Variants in PTPRK observed in about 807,000 individuals in gnomAD.
PTPRK encodes protein tyrosine phosphatase receptor type K.
Under a neutral mutation model 178.0 loss-of-function variants are expected in PTPRK, and 75 were observed. That is an observed-to-expected ratio of 0.42 (90% CI 0.35 to 0.51). The LOEUF (loss-of-function observed/expected upper bound fraction) is 0.51. Ranked by LOEUF, PTPRK falls within the 20% of genes least tolerant of loss-of-function variation. The pLI, the probability that PTPRK is intolerant of heterozygous loss-of-function variation, is 0.02. For synonymous variants in PTPRK, 637 were observed against 620.6 expected (o/e 1.03, Z -0.39); for missense variants, 1,441 against 1,797.8 (o/e 0.80, Z 3.59).
intron 2 of PTPRK, among the ~76,000 whole-genome samples, chr6:128,346,251 G>T (rs910556157): frequency 6.6e-6 from 1 of 151,880 alleles, no homozygotes; most frequent in African/African-American, 2.4e-5. Context: ...TTAAAAATCT[G>T]AAAATCATAG....
At chr6:128,385,958 T>C (rs1470151987) in intron 2 of PTPRK, among the ~76,000 whole-genome samples, 3 of 152,216 alleles carry the variant, frequency 2.0e-5, no homozygotes, top group African/African-American at 7.2e-5. Context: ...ATTAGTTAAA[T>C]ATAACTTAAA....
At chr6:128,421,225 A>G (rs1383070889) in intron 1 of PTPRK, among the ~76,000 whole-genome samples, 1 of 152,234 alleles carries the variant, frequency 6.6e-6, no homozygotes, top group Non-Finnish European at 1.5e-5. Flanking sequence ...ATAAAGCAAT[A>G]AAGTTTTAGG....
chr6:128,442,601 T>C (rs1846418411), intron 1 of PTPRK, among the ~76,000 whole-genome samples: 2 of 152,228 alleles, frequency 1.3e-5, no homozygotes, highest in Non-Finnish European at 1.5e-5. Flanking sequence ...ATACTTGTAC[T>C]CTACCAAACA....
intron 6 of PTPRK, among the ~76,000 whole-genome samples, chr6:128,185,131 T>C (rs1260847374): frequency 6.6e-6 from 1 of 152,174 alleles, no homozygotes; most frequent in Non-Finnish European, 1.5e-5. Context: ...TTGTTACTTC[T>C]TCACAGTTTC....
intron 13 of PTPRK, chr6:128,062,682 A>G (rs949849376): frequency 6.1e-6 from 1 of 163,082 alleles, no homozygotes; most frequent in Non-Finnish European, 1.5e-5. Context: ...CTTCATATAT[A>G]TTTTATTTTA....
At chr6:128,404,230 G>A (rs911974824) in intron 1 of PTPRK, among the ~76,000 whole-genome samples, 1 of 152,208 alleles carries the variant, frequency 6.6e-6, no homozygotes, top group Non-Finnish European at 1.5e-5. Flanking sequence ...TGCTACATCT[G>A]AAACCAAATC....
intron 3 of PTPRK, among the ~76,000 whole-genome samples, chr6:128,310,686 G>C (rs184262751): frequency 5.8e-4 from 88 of 152,296 alleles, no homozygotes; most frequent in Admixed American, 2.1e-3. Context: ...GCTTCCTGCT[G>C]CCAATCAATG....
At chr6:128,090,995 T>G (rs776578962) in intron 7 of PTPRK, among the ~76,000 whole-genome samples, 10 of 152,316 alleles carry the variant, frequency 6.6e-5, no homozygotes, top group Admixed American at 1.3e-4. Context: ...GGGGCTTTCA[T>G]AAATTTTTGT....
At chr6:127,999,890 G>C (rs765846969) in intron 15 of PTPRK, 2 of 816,348 alleles carry the variant, frequency 2.4e-6, no homozygotes, top group Non-Finnish European at 1.5e-6. Context: ...ACAATTAAGC[G>C]TAAGTCCCTT....
rs1219901519 is a variant in PTPRK at position 128,519,411 on chromosome 6, G to A, written c.100+848C>T. On this transcript the variant is annotated intron_variant, in intron 1 of 29. Coordinates refer to ENST00000368226, the MANE Select transcript of PTPRK (RefSeq NM_002844.4). The surrounding 1 kb of genome is among the most constrained non-coding windows in gnomAD (Gnocchi z 4.3). ...CCACTTGTCTCCTTTTGGGTTCTCC[G>A]GCAGAAGGCAGACATTTACAGTCCG... Among the ~76,000 whole-genome samples the A allele has an allele frequency of 6.6e-6, 1 of 152,118 alleles. No individual in the cohort carries two copies. The highest frequency in any genetic ancestry group is 1.5e-5 in the Non-Finnish European group (1 of 68,016).
chr6:128,196,200 C>T (rs887057906), intron 6 of PTPRK, among the ~76,000 whole-genome samples: 2 of 151,984 alleles, frequency 1.3e-5, no homozygotes, highest in Non-Finnish European at 2.9e-5. Context: ...TGCATTAAAG[C>T]AGATCTATCA....
At chr6:128,417,889 A>C (rs1322247975) in intron 1 of PTPRK, among the ~76,000 whole-genome samples, 1 of 152,134 alleles carries the variant, frequency 6.6e-6, no homozygotes. Flanking sequence ...CTTGGCAACC[A>C]CTTTGTGTGT....
intron 2 of PTPRK, among the ~76,000 whole-genome samples, chr6:128,323,739 G>A (rs1829160507): frequency 6.6e-6 from 1 of 152,068 alleles, no homozygotes; most frequent in African/African-American, 2.4e-5. Flanking sequence ...CAGTATAATC[G>A]AAGTACAGAA....
At chr6:128,080,985 C>T (rs1784716845) in intron 10 of PTPRK, among the ~76,000 whole-genome samples, 1 of 151,862 alleles carries the variant, frequency 6.6e-6, no homozygotes, top group Admixed American at 6.6e-5. Flanking sequence ...ATGTTCAACA[C>T]AAACACAGTA....
intron 6 of PTPRK, 142 bp from the exon 7 acceptor site, chr6:128,184,867 T>G: frequency 1.2e-6 from 1 of 869,498 alleles, no homozygotes; most frequent in East Asian, 2.7e-5. Context: ...AGAAGACGCA[T>G]GATCTGACAA....
At chr6:128,463,104 G>C (rs1849293419) in intron 1 of PTPRK, among the ~76,000 whole-genome samples, 1 of 152,076 alleles carries the variant, frequency 6.6e-6, no homozygotes, top group South Asian at 2.1e-4. Flanking sequence ...AACAATAAAT[G>C]CCTGTCCTCA....
intron 1 of PTPRK, among the ~76,000 whole-genome samples, chr6:128,473,404 A>ATTTTT (rs67418131): frequency 6.8e-4 from 62 of 90,874 alleles, no homozygotes; most frequent in East Asian, 1.4e-3. Flanking sequence ...TATGGTTACT[A>ATTTTT]TTTTTTTTTT....
chr6:127,986,365 T>C (rs1192141476), intron 21 of PTPRK, among the ~76,000 whole-genome samples: 1 of 152,186 alleles, frequency 6.6e-6, no homozygotes. Context: ...TCCAGGACAG[T>C]GCTGCTCTAG....
intron 7 of PTPRK, among the ~76,000 whole-genome samples, chr6:128,090,196 A>G (rs973084303): frequency 6.6e-6 from 1 of 152,200 alleles, no homozygotes; most frequent in Non-Finnish European, 1.5e-5. Context: ...AAAGAAAAGA[A>G]ATATAAAATG....
Sources: allele counts gnomAD v4.1 joint callset (sites outside exome capture counted in the v4.1 genomes callset), GRCh38; gene constraint gnomAD v4.1.1; non-coding constraint Gnocchi (gnomAD v3.1); transcripts MANE v1.5; gene names NCBI Gene and HGNC (gene_info 2026-07-23, HGNC 2026-07-21).